The following ORC3 variants were observed in gnomAD, a reference collection of about 807,000 sequenced individuals.
ORC3 encodes the protein origin recognition complex subunit 3, also known as homolog of latheo, Drosophila.
ORC3 carries 78 observed loss-of-function variants against 100.7 expected under a neutral mutation model. That is an observed-to-expected ratio of 0.77 (90% CI 0.65 to 0.94). The LOEUF (loss-of-function observed/expected upper bound fraction) is 0.94. ORC3 is among the 40% of genes least tolerant of loss of function. ORC3 has a pLI of 0.00. For missense variants in ORC3, 789 were observed against 823.9 expected, an observed-to-expected ratio of 0.96 and a Z score of 0.52; for synonymous variants, 295 against 289.3, an observed-to-expected ratio of 1.02 and a Z score of -0.20.
At chr6:87,650,243 T>C (rs549891244) in intron 13 of ORC3, among the ~76,000 whole-genome samples, 1 of 152,096 alleles carries the variant, frequency 6.6e-6, no homozygotes, top group Admixed American at 6.6e-5. Flanking sequence ...TTTGTAGGAA[T>C]GAGGGTCTCA....
At chr6:87,594,654 T>G in intron 2 of ORC3, 1 of 823,680 alleles carries the variant, frequency 1.2e-6, no homozygotes, top group South Asian at 5.5e-5. Flanking sequence ...TATGCTGCTA[T>G]TCTTTAAAAG....
At chr6:87,669,687 G>A (rs7765094), downstream of ORC3, among the ~76,000 whole-genome samples, 1,440 of 152,200 alleles carry the variant, frequency 9.5e-3, 21 homozygotes, top group African/African-American at 0.032. Context: ...ATATTTTTTC[G>A]CAATATTCTA....
chr6:87,591,208 G>T (rs1332995398), intron 1 of ORC3, among the ~76,000 whole-genome samples: 1 of 152,168 alleles, frequency 6.6e-6, no homozygotes, highest in African/African-American at 2.4e-5. Flanking sequence ...GCGCTGTTCT[G>T]GACCACAAAA....
In ORC3 at chr6:87,590,195, A is replaced by T. The variant is rs750032137; in HGVS notation, c.24+3A>T. 6.2e-7 allele frequency: 1 copy of T among 1,613,862 alleles called. No homozygotes were observed. The highest frequency in any genetic ancestry group is 8.5e-7 in the Non-Finnish European group (1 of 1,179,704). Reference sequence around the variant, plus strand: ...TGGCTACGTCCTCGATGTCTAAGGTATGTGGTGGCCGATGCGCACTGTGGC... The same window carrying T: ...TGGCTACGTCCTCGATGTCTAAGGTTTGTGGTGGCCGATGCGCACTGTGGC... On this transcript the variant is annotated splice_donor_region_variant and intron_variant, in intron 1 of 19. Coordinates refer to ENST00000392844, the MANE Select transcript of ORC3 (RefSeq NM_012381.4).
At chr6:87,644,951 CA>C (rs1768639832) in intron 13 of ORC3, among the ~76,000 whole-genome samples, 1 of 152,106 alleles carries the variant, frequency 6.6e-6, no homozygotes, top group Non-Finnish European at 1.5e-5. Flanking sequence ...ATGTATTCCA[CA>C]AAAAAGCATG....
chr6:87,666,543 A>G (rs1423239892), intron 19 of ORC3, among the ~76,000 whole-genome samples: 1 of 147,306 alleles, frequency 6.8e-6, no homozygotes, highest in Non-Finnish European at 1.5e-5. Context: ...GGTTCAAGCG[A>G]TTCTCCTGCC....
chr6:87,619,828 C>G (rs756182171), intron 9 of ORC3, among the ~76,000 whole-genome samples: 2 of 152,100 alleles, frequency 1.3e-5, no homozygotes, highest in Non-Finnish European at 2.9e-5. Context: ...CCTCATTTCC[C>G]CAGTTTTCCT....
chr6:87,612,034 A>G, intron 7 of ORC3, 55 bp from the exon 8 acceptor site: 1 of 1,496,384 alleles, frequency 6.7e-7, no homozygotes, highest in Non-Finnish European at 9.2e-7. Context: ...AATATGATGT[A>G]TTGAAATATA....
At chr6:87,649,545 C>T (rs1769073260) in intron 13 of ORC3, among the ~76,000 whole-genome samples, 2 of 152,256 alleles carry the variant, frequency 1.3e-5, no homozygotes, top group South Asian at 4.1e-4. Context: ...GTTAGGAGTT[C>T]GAGACCAGCC....
chr6:87,652,877 A>C (rs887560110), intron 13 of ORC3, among the ~76,000 whole-genome samples: 1 of 152,214 alleles, frequency 6.6e-6, no homozygotes, highest in Non-Finnish European at 1.5e-5. Flanking sequence ...TTAGAGCCAC[A>C]CTATGAATCC....
At chr6:87,607,138 T>A (rs1358983717) in intron 5 of ORC3, among the ~76,000 whole-genome samples, 1 of 152,118 alleles carries the variant, frequency 6.6e-6, no homozygotes, top group Non-Finnish European at 1.5e-5. Flanking sequence ...TTATAGATAA[T>A]ATACATAAAT....
chr6:87,594,157 G>C (rs1257039234), intron 1 of ORC3, among the ~76,000 whole-genome samples, 196 bp from the exon 2 acceptor site: 1 of 152,210 alleles, frequency 6.6e-6, no homozygotes, highest in Non-Finnish European at 1.5e-5. Flanking sequence ...AGAGTAGATA[G>C]TCCCCCTTGT....
intron 6 of ORC3, 38 bp from the exon 7 acceptor site, chr6:87,609,058 C>T: frequency 6.5e-7 from 1 of 1,547,042 alleles, no homozygotes; most frequent in Non-Finnish European, 8.7e-7. Context: ...AGTGGTAAGG[C>T]TTACCTTTAA....
intron 11 of ORC3, among the ~76,000 whole-genome samples, chr6:87,625,878 G>A (rs1229772211): frequency 6.6e-6 from 1 of 152,052 alleles, no homozygotes; most frequent in East Asian, 1.9e-4. Context: ...GTTAAGGAAG[G>A]GATCCAGTTT....
intron 7 of ORC3, among the ~76,000 whole-genome samples, chr6:87,610,934 CTT>C (rs67349945): frequency 2.8e-5 from 3 of 106,812 alleles, no homozygotes; most frequent in Non-Finnish European, 3.6e-5. Context: ...TAGGACTTTT[CTT>C]TTTTTTTTTT....
chr6:87,621,388 T>G lies in ORC3; in HGVS notation c.1022T>G (p.Leu341Ter). ...TTAGAGCATTTCTATTCCCAGCCCT[T>G]AAGTGTCCTGTGCTGTAATCTTCCA... The part of the protein sequence containing the change: ...SLLEHFYSQP[L>*]SVLCCNLPEA... Residue 341 changes from leucine to a stop codon, truncating the protein, a stop_gained, in exon 10 of 20, where the codon TTA becomes TGA. Coordinates refer to ENST00000392844, the MANE Select transcript of ORC3 (RefSeq NM_012381.4). LOFTEE classifies it high-confidence loss of function. The G allele has an allele frequency of 6.3e-7, 1 of 1,586,128 alleles. No homozygotes were observed. Among genetic ancestry groups the G allele is most frequent in the Non-Finnish European group, 8.5e-7 (1 of 1,170,158 alleles).
chr6:87,662,318 A>C (rs913993884), intron 16 of ORC3, among the ~76,000 whole-genome samples: 4 of 152,038 alleles, frequency 2.6e-5, no homozygotes, highest in African/African-American at 9.7e-5. Flanking sequence ...CCAGCCTCTC[A>C]GGAGGCTGAG....
At position 87,647,040 on chromosome 6, in the gene ORC3, T is replaced by C. The variant is rs185209075; in HGVS notation, c.1383-6076T>C. ...CCTTCCTTCACTTGTACCATCATAG[T>C]CTAAGTCATCGTCGTTGCTCACCTG... On this transcript the variant is annotated intron_variant, in intron 13 of 19. Coordinates refer to ENST00000392844, the MANE Select transcript of ORC3 (RefSeq NM_012381.4). 2.6e-5 allele frequency among the ~76,000 whole-genome samples: 4 copies of C among 152,352 alleles called. No homozygotes were observed. In the East Asian group the frequency reaches 7.7e-4, roughly 29 times the overall value.
chr6:87,630,744 A>C (rs1767342413), intron 11 of ORC3, among the ~76,000 whole-genome samples: 1 of 152,204 alleles, frequency 6.6e-6, no homozygotes, highest in Non-Finnish European at 1.5e-5. Context: ...TAAAGACCTA[A>C]AGGAAGTCAC....
Sources: gnomAD v4.1 joint callset for allele counts (sites outside exome capture counted in the v4.1 genomes callset) on GRCh38, gnomAD v4.1.1 for gene constraint, MANE v1.5 for transcripts, NCBI Gene and HGNC (gene_info 2026-07-23, HGNC 2026-07-21) for gene names.